The following ZMYM1 variants were observed in gnomAD, a reference collection of about 807,000 sequenced individuals.
ZMYM1 encodes the protein zinc finger MYM-type protein 1.
Under a neutral mutation model 60.0 loss-of-function variants are expected in ZMYM1, and 39 were observed. That is an observed-to-expected ratio of 0.65 (90% CI 0.50 to 0.85). The LOEUF is 0.85. ZMYM1 is among the 40% of genes least tolerant of loss of function. ZMYM1 has a pLI of 0.00. For missense variants in ZMYM1, 1,171 were observed against 1,309.5 expected (o/e 0.89, Z 1.63); for synonymous variants, 413 against 454.0 (o/e 0.91, Z 1.15).
At chr1:35,111,122 C>T (rs1288540845) in intron 7 of ZMYM1, among the ~76,000 whole-genome samples, 1 of 152,084 alleles carries the variant, frequency 6.6e-6, no homozygotes, top group Admixed American at 6.6e-5. Flanking sequence ...GAATGTTTTA[C>T]TTAGCCCTGT....
chr1:35,078,300 C>T (rs1368113302), upstream of ZMYM1, among the ~76,000 whole-genome samples: 3 of 152,004 alleles, frequency 2.0e-5, no homozygotes, highest in Non-Finnish European at 4.4e-5. Flanking sequence ...TTGGTCTGGA[C>T]CTCACCTTCA....
At chr1:35,097,250 A>G (rs1223645403) in intron 3 of ZMYM1, 67 bp from the exon 4 acceptor site, 4 of 1,507,306 alleles carry the variant, frequency 2.7e-6, no homozygotes, top group South Asian at 1.3e-5. Flanking sequence ...AAGAAAGAAA[A>G]TAAAGGAATG....
chr1:35,112,230 T>C, intron 9 of ZMYM1, 100 bp downstream of exon 9: 1 of 1,204,378 alleles, frequency 8.3e-7, no homozygotes, highest in Non-Finnish European at 1.2e-6. Context: ...CAAGCTGGAG[T>C]GCAGTGGCGT....
chr1:35,089,379 G>A (rs1642861412), intron 1 of ZMYM1, among the ~76,000 whole-genome samples: 1 of 152,114 alleles, frequency 6.6e-6, no homozygotes, highest in African/African-American at 2.4e-5. Context: ...TACTGTTTGT[G>A]TATAATGCTC....
Position 35,113,812 on chromosome 1 carries a change from T to G in ZMYM1, c.1982T>G (p.Ile661Ser). ...INSAMKEQLS[I>S]CVRYPQKSSK... ...AGTGCCATGAAAGAACAGCTTTCAATTTGTGTAAGATACCCACAAAAATCA... is the reference window on the plus strand; with the variant it reads ...AGTGCCATGAAAGAACAGCTTTCAAGTTGTGTAAGATACCCACAAAAATCA... Residue 661 changes from isoleucine (I) to serine (S), a missense_variant, in exon 10 of 10, where the codon ATT (isoleucine) becomes AGT (serine). By Grantham distance (142) the Ile-to-Ser change is moderately radical (BLOSUM62 -2). Coordinates refer to ENST00000359858, the MANE Select transcript of ZMYM1 (RefSeq NM_024772.5). 6.2e-7 allele frequency: 1 copy of G among 1,613,852 alleles called. No homozygotes were observed. The highest frequency in any genetic ancestry group is 8.5e-7 in the Non-Finnish European group (1 of 1,179,856).
At chr1:35,117,667 G>A (rs960677183), downstream of ZMYM1, among the ~76,000 whole-genome samples, 5 of 152,036 alleles carry the variant, frequency 3.3e-5, no homozygotes, top group South Asian at 2.1e-4. Flanking sequence ...CAGGCCTGGC[G>A]CAGTGGCTCA....
Position 35,115,094 on chromosome 1 carries a change from T to A in ZMYM1, c.3264T>A (p.Ser1088=). 6.2e-7 allele frequency: 1 copy of A among 1,614,128 alleles called. No homozygotes were observed. Among genetic ancestry groups the A allele is most frequent in the Non-Finnish European group, 8.5e-7 (1 of 1,179,972 alleles). The change falls in exon 10 of 10, where the codon TCT becomes TCA. Residue 1088 remains serine (S), a synonymous_variant. Transcript: ENST00000359858. ...ITSASTENSF[S]TLPRLKTYLC... is the part of the protein sequence containing the mutation. ...CAGCAAGTACTGAGAACTCATTTTC[T>A]ACCCTGCCTCGTCTTAAGACATATT...
chr1:35,110,967 G>A (rs1001633868), intron 7 of ZMYM1, among the ~76,000 whole-genome samples: 1 of 151,786 alleles, frequency 6.6e-6, no homozygotes, highest in African/African-American at 2.4e-5. Flanking sequence ...AAAGATACAT[G>A]TCTTTTTTTA....
At position 35,114,698 on chromosome 1, in the gene ZMYM1, T is replaced by G; in HGVS notation, c.2868T>G (p.Pro956=). ...GCAATTCAGATAATATGTTTTTTCC[T>G]ACTTCAACAGAAGAACAATATAAAA... The part of the protein sequence containing the change: ...DLGNSDNMFF[P]TSTEEQYKIN... Residue 956 remains proline (P), a synonymous_variant, in exon 10 of 10, where the codon CCT becomes CCG. Coordinates refer to ENST00000359858, the MANE Select transcript of ZMYM1 (RefSeq NM_024772.5). 2 of 1,582,672 alleles carry G rather than the reference T, an allele frequency of 1.3e-6. No homozygotes were observed. The highest frequency in any genetic ancestry group is 1.7e-6 in the Non-Finnish European group (2 of 1,168,336).
chr1:35,068,736 A>C (rs1642020045), intron 1 of ZMYM1, among the ~76,000 whole-genome samples: 1 of 151,860 alleles, frequency 6.6e-6, no homozygotes, highest in African/African-American at 2.4e-5. Flanking sequence ...GTAAAATATA[A>C]AACTATAAAA....
At chr1:35,080,721 C>G (rs1422539804) in intron 1 of ZMYM1, among the ~76,000 whole-genome samples, 1 of 151,912 alleles carries the variant, frequency 6.6e-6, no homozygotes, top group East Asian at 1.9e-4. Context: ...GAAGACTGAC[C>G]GTCTTCTTTT....
rs547597357 is a variant in ZMYM1, at chr1:35,105,543, C to G, written c.807+774C>G. ...CCGCCTCCCAGGTTCAAGCAATTCTCCTGCCTCAGCCTCCCAAGGAACTGG... is the reference window on the plus strand; with the variant it reads ...CCGCCTCCCAGGTTCAAGCAATTCTGCTGCCTCAGCCTCCCAAGGAACTGG... On this transcript the variant is annotated intron_variant, in intron 6 of 9. Transcript: ENST00000359858. Among the ~76,000 whole-genome samples the G allele has an allele frequency of 5.1e-4, 77 of 152,348 alleles. 1 individual carries two copies. In the South Asian group the frequency reaches 0.015, roughly 29 times the overall value.
chr1:35,066,317 C>A (rs1641971098), intron 1 of ZMYM1, among the ~76,000 whole-genome samples: 2 of 152,236 alleles, frequency 1.3e-5, no homozygotes, highest in Admixed American at 1.3e-4. Context: ...CCTGCCTCAG[C>A]CTCCCAAGTA....
Position 35,114,295 on chromosome 1 carries a change from G to A in ZMYM1, c.2465G>A (p.Ser822Asn), listed in dbSNP as rs770577297. The change falls in exon 10 of 10, where the codon AGT (serine) becomes AAT (asparagine). Residue 822 changes from serine to asparagine, a missense_variant. Transcript: ENST00000359858. The stretch of plus-strand genomic sequence containing the variant: ...CGTACATTACTATCTGTGATTGACA[G>A]TCTTCCAGAGATTATTGAAACATTG... Reference protein sequence around the residue: ...HDRTLLSVIDSLPEIIETLEV... With the variant: ...HDRTLLSVIDNLPEIIETLEV... 2.5e-6 allele frequency: 4 copies of A among 1,613,672 alleles called. No individual in the cohort carries two copies. The highest frequency in any genetic ancestry group is 4.5e-5 in the East Asian group (2 of 44,844).
At chr1:35,080,229 C>T (rs765693808) in intron 1 of ZMYM1, among the ~76,000 whole-genome samples, 1 of 152,130 alleles carries the variant, frequency 6.6e-6, no homozygotes, top group African/African-American at 2.4e-5. Flanking sequence ...TTCAAACTTT[C>T]CAGTTCCTTC....
chr1:35,068,118 G>C (rs186787253), intron 1 of ZMYM1, among the ~76,000 whole-genome samples: 1 of 151,462 alleles, frequency 6.6e-6, no homozygotes, highest in Non-Finnish European at 1.5e-5. Context: ...TATAACTACT[G>C]TAATCAAGAA....
intron 3 of ZMYM1, among the ~76,000 whole-genome samples, chr1:35,096,869 T>C (rs373529940): frequency 1.3e-5 from 2 of 152,168 alleles, no homozygotes; most frequent in East Asian, 1.9e-4. Flanking sequence ...CCAGCTAATT[T>C]TTATAGTAGA....
upstream of ZMYM1, among the ~76,000 whole-genome samples, chr1:35,075,500 C>T (rs1642151408): frequency 6.6e-6 from 1 of 151,944 alleles, no homozygotes. Flanking sequence ...TGGCAGCCAT[C>T]AAAAAACCCT....
chr1:35,068,987 TGGCTAATTTTAGAGAC>T (rs1341665944), intron 1 of ZMYM1, among the ~76,000 whole-genome samples: 4 of 151,940 alleles, frequency 2.6e-5, no homozygotes, highest in African/African-American at 9.7e-5. Context: ...CAGGTGCGCC[TGGCTAATTTTAGAGAC>T]GGGGTTTTTT....
Sources: gnomAD v4.1 joint callset for allele counts (sites outside exome capture counted in the v4.1 genomes callset) on GRCh38, gnomAD v4.1.1 for gene constraint, MANE v1.5 for transcripts, NCBI Gene and HGNC (gene_info 2026-07-23, HGNC 2026-07-21) for gene names.